Variants in TRPM6 observed in about 807,000 individuals in gnomAD.
TRPM6 encodes transient receptor potential cation channel subfamily M member 6.
Under a neutral mutation model 247.6 loss-of-function variants are expected in TRPM6, and 111 were observed. That is an observed-to-expected ratio of 0.45 (90% CI 0.38 to 0.52). TRPM6 has a LOEUF of 0.52. TRPM6 is among the 20% of genes least tolerant of loss of function. TRPM6 has a pLI of 0.00. For synonymous variants in TRPM6, 892 were observed against 853.8 expected, an observed-to-expected ratio of 1.04 and a Z score of -0.78; for missense variants, 2,126 against 2,421.5, an observed-to-expected ratio of 0.88 and a Z score of 2.56.
intron 23 of TRPM6, among the ~76,000 whole-genome samples, chr9:74,781,551 A>AAAAAAAAG (rs1554698840): frequency 1.3e-5 from 2 of 148,426 alleles, no homozygotes; most frequent in African/African-American, 5.0e-5. Flanking sequence ...AAAAAAAAAA[A>AAAAAAAAG]AAGAAGAAAA....
At chr9:74,818,906 T>C (rs777329651) in intron 9 of TRPM6, among the ~76,000 whole-genome samples, 2 of 152,104 alleles carry the variant, frequency 1.3e-5, no homozygotes, top group Non-Finnish European at 2.9e-5. Context: ...CCAAAATTCT[T>C]ATACAATTTG....
intron 33 of TRPM6, among the ~76,000 whole-genome samples, chr9:74,741,336 CAT>C (rs369129898): frequency 7.3e-5 from 11 of 150,262 alleles, no homozygotes; most frequent in East Asian, 2.0e-4. Flanking sequence ...TATATAGAAG[CAT>C]ATATATATAT....
At chr9:74,823,859 A>G (rs907311301) in intron 7 of TRPM6, among the ~76,000 whole-genome samples, 1 of 152,084 alleles carries the variant, frequency 6.6e-6, no homozygotes, top group East Asian at 1.9e-4. Flanking sequence ...CAGGGGAAAA[A>G]CTACAAAAGA....
chr9:74,729,233 G>A (rs761121362), intron 37 of TRPM6, among the ~76,000 whole-genome samples: 4 of 152,112 alleles, frequency 2.6e-5, no homozygotes, highest in African/African-American at 9.7e-5. Context: ...CTCAATTACC[G>A]CTCTTAAATA....
chr9:74,743,224 GC>G (rs1825920380), intron 32 of TRPM6, among the ~76,000 whole-genome samples: 1 of 152,188 alleles, frequency 6.6e-6, no homozygotes, highest in South Asian at 2.1e-4. Context: ...AGTTGTAAGA[GC>G]CTGGGTTGAG....
chr9:74,848,686 C>T (rs1043679661), intron 3 of TRPM6, among the ~76,000 whole-genome samples: 4 of 152,128 alleles, frequency 2.6e-5, no homozygotes, highest in African/African-American at 9.7e-5. Flanking sequence ...GCCTGCAATG[C>T]CCCGCCTGAA....
At position 74,880,650 on chromosome 9, in the gene TRPM6, AT is replaced by A. The variant is rs141288317; in HGVS notation, c.33+7173del. On this transcript the variant is annotated intron_variant, in intron 1 of 38. Transcript: ENST00000360774. ...TCCCAGATAAGCAAAAGCTGAAGAA[AT>A]TCATCACCATTAAACCAGTCCTATA... Among the ~76,000 whole-genome samples the A allele has an allele frequency of 1.7e-3, 258 of 152,332 alleles. 7 individuals carry two copies. The East Asian group carries it at 0.044, about 26-fold the overall frequency.
chr9:74,796,789 C>G lies in TRPM6; in HGVS notation c.2343G>C (p.Trp781Cys). 1 of 1,613,986 alleles carries G rather than the reference C, an allele frequency of 6.2e-7. No homozygotes were observed. Among genetic ancestry groups the G allele is most frequent in the Non-Finnish European group, 8.5e-7 (1 of 1,179,918 alleles). Residue 781 changes from tryptophan to cysteine, a missense_variant, in exon 18 of 39, where the codon TGG (tryptophan) becomes TGC (cysteine). By Grantham distance (215) the Trp-to-Cys change is radical. Transcript: ENST00000360774. Reference protein sequence around the residue: ...VPQSQDFQFMWYYSDQNASSS... With the variant: ...VPQSQDFQFMCYYSDQNASSS... ...TGCTGGCGTTCTGGTCACTGTAATA[C>G]CACATAAATTGGAAGTCCTGGGACT...
intron 33 of TRPM6, among the ~76,000 whole-genome samples, chr9:74,740,519 A>G (rs1825827849): frequency 6.6e-6 from 1 of 152,250 alleles, no homozygotes; most frequent in Non-Finnish European, 1.5e-5. Context: ...GTGCATATAC[A>G]TAATGACATA....
chr9:74,789,947 C>A, intron 19 of TRPM6, among the ~76,000 whole-genome samples: 1 of 105,294 alleles, frequency 9.5e-6, no homozygotes, highest in Non-Finnish European at 1.7e-5. Flanking sequence ...GGTGACAGAG[C>A]AAGACTCCAT....
At chr9:74,757,779 G>A (rs1178555602) in intron 27 of TRPM6, among the ~76,000 whole-genome samples, 4 of 151,982 alleles carry the variant, frequency 2.6e-5, no homozygotes, top group African/African-American at 7.2e-5. Flanking sequence ...CAGGCATGGT[G>A]GTGGGCACCT....
chr9:74,819,843 T>C (rs566115173), intron 9 of TRPM6, among the ~76,000 whole-genome samples: 112 of 152,302 alleles, frequency 7.4e-4, no homozygotes, highest in Non-Finnish European at 1.4e-3. Context: ...TAAGTGCTTT[T>C]TCTGTAGTAG....
chr9:74,835,872 C>T (rs1455876963), intron 5 of TRPM6, among the ~76,000 whole-genome samples: 4 of 152,044 alleles, frequency 2.6e-5, no homozygotes, highest in Non-Finnish European at 5.9e-5. Context: ...TGCCCTGCTC[C>T]CACACAAACA....
intron 25 of TRPM6, 134 bp from the exon 26 acceptor site, chr9:74,763,268 T>C: frequency 1.2e-6 from 1 of 855,052 alleles, no homozygotes; most frequent in South Asian, 1.4e-5. Context: ...GTCTTTTGCC[T>C]TCTTCTTCGC....
rs1257135564 is a variant in TRPM6 at position 74,724,569 on chromosome 9, C to T, written c.*44G>A. 4 of 1,613,578 alleles carry T rather than the reference C, an allele frequency of 2.5e-6. No homozygotes were observed. The highest frequency in any genetic ancestry group is 3.4e-6 in the Non-Finnish European group (4 of 1,179,898). ...ATCAATCTATGTTATCACAGAGTTC[C>T]TGGCAGGCAGGGCAAGCACTGGGAT... On this transcript the variant is annotated 3_prime_UTR_variant, in exon 39 of 39. Coordinates refer to ENST00000360774, the MANE Select transcript of TRPM6 (RefSeq NM_017662.5).
At chr9:74,734,626 G>A (rs1007887351) in intron 36 of TRPM6, among the ~76,000 whole-genome samples, 2 of 152,088 alleles carry the variant, frequency 1.3e-5, no homozygotes, top group African/African-American at 2.4e-5. Context: ...CAAAGTGTCT[G>A]CCCCCTAGGA....
chr9:74,768,146 C>T (rs1826891670), intron 25 of TRPM6, among the ~76,000 whole-genome samples: 1 of 152,112 alleles, frequency 6.6e-6, no homozygotes, highest in Non-Finnish European at 1.5e-5. Flanking sequence ...TCTCAATTTT[C>T]ACTCTATATT....
intron 3 of TRPM6, 22 bp downstream of exon 3, chr9:74,855,505 A>C (rs976095922): frequency 4.4e-6 from 7 of 1,577,890 alleles, no homozygotes; most frequent in African/African-American, 2.7e-5. Flanking sequence ...GCTAAAAGGA[A>C]TCTTGCTTAT....
At chr9:74,804,878 A>G (rs1225879205) in intron 14 of TRPM6, 2 of 387,012 alleles carry the variant, frequency 5.2e-6, no homozygotes, top group Non-Finnish European at 9.2e-6. Context: ...ATCCCAAAAT[A>G]TGCACATAGC....
Sources: allele counts gnomAD v4.1 joint callset (sites outside exome capture counted in the v4.1 genomes callset), GRCh38; gene constraint gnomAD v4.1.1; transcripts MANE v1.5; gene names NCBI Gene and HGNC (gene_info 2026-07-23, HGNC 2026-07-21).